THAP10: variants seen among roughly 807,000 people sequenced by gnomAD.
THAP10 encodes THAP domain containing 10.
THAP10 carries 10 observed loss-of-function variants against 15.7 expected under a neutral mutation model. That is an observed-to-expected ratio of 0.64 (90% confidence interval 0.39 to 1.08). The LOEUF is 1.08. Among genes scored for constraint, THAP10 ranks in the 50% least tolerant of loss-of-function variants. THAP10 has a pLI of 0.01. For synonymous variants in THAP10, 127 were observed against 129.1 expected (o/e 0.98, Z 0.11); for missense variants, 310 against 330.9 (o/e 0.94, Z 0.49).
chr15:70,892,184 C>T lies in THAP10; in HGVS notation c.89G>A (p.Arg30Gln), dbSNP rs1212694222. 3 of 1,609,616 alleles carry T rather than the reference C, an allele frequency of 1.9e-6. No homozygotes were observed. In the African/African-American group the frequency reaches 4.0e-5, roughly 21 times the overall value. Reference sequence around the variant, plus strand: ...CCGCACGAAGCGGTCCCAGAGCAGCCGCACGGCCCGGTCCTTGGGAAAGCG... The same window carrying T: ...CCGCACGAAGCGGTCCCAGAGCAGCTGCACGGCCCGGTCCTTGGGAAAGCG... ...LFRFPKDRAV[R>Q]LLWDRFVRGC... The change falls in exon 1 of 3, where the codon CGG (arginine) becomes CAG (glutamine). Residue 30 changes from arginine (R) to glutamine (Q), a missense_variant. Transcript: ENST00000249861.
chr15:70,889,408 G>A (rs962509163), intron 1 of THAP10, among the ~76,000 whole-genome samples: 8 of 152,064 alleles, frequency 5.3e-5, no homozygotes, highest in South Asian at 2.1e-4. Flanking sequence ...AGAGGGGAGG[G>A]GCTGGATATG....
intron 1 of THAP10, among the ~76,000 whole-genome samples, 181 bp from the exon 2 acceptor site, chr15:70,883,089 G>T (rs951393516): frequency 6.6e-6 from 1 of 151,968 alleles, no homozygotes; most frequent in South Asian, 2.1e-4. Flanking sequence ...CTGCCATATT[G>T]TCTTTTTTCC....
intron 1 of THAP10, among the ~76,000 whole-genome samples, chr15:70,888,248 GT>G (rs1480811949): frequency 1.3e-5 from 2 of 152,044 alleles, no homozygotes; most frequent in Non-Finnish European, 2.9e-5. Context: ...CATGAACAAG[GT>G]AAGAGGTATT....
chr15:70,891,836 C>A lies in THAP10; in HGVS notation c.429+8G>T. ...GTCCTTACACAACCTTCGGTGGTCTCTCTTTACCTGTGAAGCTGCAGCCTG... is the reference window on the plus strand; with the variant it reads ...GTCCTTACACAACCTTCGGTGGTCTATCTTTACCTGTGAAGCTGCAGCCTG... On this transcript the variant is annotated splice_region_variant and intron_variant, in intron 1 of 2. Coordinates refer to ENST00000249861, the MANE Select transcript of THAP10 (RefSeq NM_020147.4). 6.4e-7 allele frequency: 1 copy of A among 1,574,514 alleles called. No homozygotes were observed. Among genetic ancestry groups the A allele is most frequent in the Admixed American group, 1.7e-5 (1 of 57,544 alleles).
In THAP10 at chr15:70,891,795, C is replaced by T. The variant is rs1343542757; in HGVS notation, c.429+49G>A. 5 of 1,458,032 alleles carry T rather than the reference C, an allele frequency of 3.4e-6. No individual in the cohort carries two copies. In the South Asian group the frequency reaches 5.6e-5, roughly 16 times the overall value. The allele number at this position is 1,458,032 out of a possible 1,614,324, so 90.3% of individuals were successfully genotyped here. On this transcript the variant is annotated intron_variant, in intron 1 of 2. Transcript: ENST00000249861. ...CAAGGTGACACTAAGTGGAGGAGCC[C>T]AGCCAGAGTCCAGGGGTCCTTACAC... is the stretch of plus-strand genomic sequence containing the variant.
intron 1 of THAP10, among the ~76,000 whole-genome samples, chr15:70,887,910 T>C (rs1360854172): frequency 6.6e-6 from 1 of 152,190 alleles, no homozygotes; most frequent in East Asian, 1.9e-4. Context: ...TTTATCAATA[T>C]GCACTTATAG....
intron 1 of THAP10, among the ~76,000 whole-genome samples, chr15:70,890,088 T>C (rs759379916): frequency 3.2e-4 from 49 of 152,228 alleles, no homozygotes; most frequent in Non-Finnish European, 5.9e-5. Context: ...ATGCTGGATC[T>C]GTTTCCCAAC....
intron 1 of THAP10, among the ~76,000 whole-genome samples, chr15:70,888,753 A>C (rs2033474820): frequency 6.6e-6 from 1 of 152,192 alleles, no homozygotes; most frequent in African/African-American, 2.4e-5. Context: ...AAAATTCTAA[A>C]TCAACAAGAA....
chr15:70,882,918 C>A lies in THAP10; in HGVS notation c.430-10G>T, dbSNP rs1272771342. 3 of 1,613,508 alleles carry A rather than the reference C, an allele frequency of 1.9e-6. No individual in the cohort carries two copies. The highest frequency in any genetic ancestry group is 2.5e-6 in the Non-Finnish European group (3 of 1,179,778). ...CATTTTCACACGTAATCTAAAAATA[C>A]AAATCAGAGGAGAAACATATTAAAG... On this transcript the variant is annotated splice_polypyrimidine_tract_variant and intron_variant, in intron 1 of 2. Coordinates refer to ENST00000249861, the MANE Select transcript of THAP10 (RefSeq NM_020147.4).
Position 70,881,653 on chromosome 15 carries a change from A to C in THAP10, c.*801T>G, listed in dbSNP as rs2033266620. 6.6e-6 allele frequency: 1 copy of C among 152,204 alleles called. No individual in the cohort carries two copies. Among genetic ancestry groups the C allele is most frequent in the Non-Finnish European group, 1.5e-5 (1 of 68,018 alleles). The allele number at this position is 152,204 out of a possible 1,614,324, so 9.4% of individuals were successfully genotyped here. A position where few individuals can be genotyped will look rare whatever the true frequency, so the allele number is the denominator to read the frequency against. On this transcript the variant is annotated 3_prime_UTR_variant, in exon 3 of 3. Coordinates refer to ENST00000249861, the MANE Select transcript of THAP10 (RefSeq NM_020147.4). Reference sequence around the variant, plus strand: ...TAATATTTCCATGCTTATTTCTCAAATGTAGAATTCAAAAGAGAGGTGTTG... The same window carrying C: ...TAATATTTCCATGCTTATTTCTCAACTGTAGAATTCAAAAGAGAGGTGTTG...
chr15:70,892,303 T>C lies in THAP10; in HGVS notation c.-31A>G, dbSNP rs1291149255. On this transcript the variant is annotated 5_prime_UTR_variant, in exon 1 of 3. Coordinates refer to ENST00000249861, the MANE Select transcript of THAP10 (RefSeq NM_020147.4). ...CCGTCTTCGGTGCGCGGGAGCCGGG[T>C]TCCCTGGACCTTCGCCCTTGGGCAC... 1.3e-6 allele frequency: 2 copies of C among 1,550,620 alleles called. No homozygotes were observed. The highest frequency in any genetic ancestry group is 1.2e-5 in the South Asian group (1 of 83,872).
intron 1 of THAP10, among the ~76,000 whole-genome samples, chr15:70,885,885 A>T (rs1469643578): frequency 6.6e-6 from 1 of 152,204 alleles, no homozygotes; most frequent in Non-Finnish European, 1.5e-5. Context: ...CAGTACGCAC[A>T]TTCATCTCAA....
rs746783487 is a variant in THAP10 at position 70,882,507 on chromosome 15, C to A, written c.721G>T (p.Glu241Ter). 6.2e-7 allele frequency: 1 copy of A among 1,613,844 alleles called. No homozygotes were observed. Among genetic ancestry groups the A allele is most frequent in the Non-Finnish European group, 8.5e-7 (1 of 1,179,944 alleles). The change falls in exon 3 of 3, where the codon GAA becomes TAA. Residue 241 changes from glutamate to a stop codon, truncating the protein, a stop_gained. Transcript: ENST00000249861. LOFTEE classifies it high-confidence loss of function. ...ETDTDWDIKSEQSDLSYMAVQ... is the reference protein window; with the variant it reads ...ETDTDWDIKS The stretch of plus-strand genomic sequence containing the variant: ...GCCATATAAGACAAATCACTCTGTT[C>A]ACTCTTGATATCCCAGTCTGTATCT...
chr15:70,884,936 G>C lies in THAP10; in HGVS notation c.430-2028C>G, dbSNP rs547355467. Among the ~76,000 whole-genome samples, 9 of 152,184 alleles carry C rather than the reference G, an allele frequency of 5.9e-5. No homozygotes were observed. The East Asian group carries it at 1.7e-3, about 29-fold the overall frequency. ...CTTTTTATGTGTATTTTTAAAAACT[G>C]AGATAATATAATGCTTTATAACCTA... On this transcript the variant is annotated intron_variant, in intron 1 of 2. Transcript: ENST00000249861.
chr15:70,885,673 C>T (rs1322123841), intron 1 of THAP10, among the ~76,000 whole-genome samples: 2 of 152,116 alleles, frequency 1.3e-5, no homozygotes, highest in Non-Finnish European at 2.9e-5. Context: ...TATATACATA[C>T]CTAATAACAT....
Position 70,892,190 on chromosome 15 carries a change from G to C in THAP10, c.83C>G (p.Ala28Gly), listed in dbSNP as rs1380225305. 8 of 1,608,660 alleles carry C rather than the reference G, an allele frequency of 5.0e-6. No homozygotes were observed. The highest frequency in any genetic ancestry group is 5.9e-6 in the Non-Finnish European group (7 of 1,177,610). Residue 28 changes from alanine to glycine, a missense_variant, in exon 1 of 3, where the codon GCC (alanine) becomes GGC (glycine). Physicochemically the swap from Ala to Gly is moderately conservative, Grantham distance 60. Transcript: ENST00000249861. ...GAAGCGGTCCCAGAGCAGCCGCACG[G>C]CCCGGTCCTTGGGAAAGCGGAACAG... ...KSLFRFPKDR[A>G]VRLLWDRFVR...
At chr15:70,885,320 A>G (rs1412925142) in intron 1 of THAP10, among the ~76,000 whole-genome samples, 2 of 152,228 alleles carry the variant, frequency 1.3e-5, no homozygotes, top group African/African-American at 2.4e-5. Context: ...ATTTGAACAA[A>G]TAACAGCTGA....
At chr15:70,890,995 A>G (rs1344102781) in intron 1 of THAP10, among the ~76,000 whole-genome samples, 1 of 152,182 alleles carries the variant, frequency 6.6e-6, no homozygotes, top group Non-Finnish European at 1.5e-5. Context: ...TTAAATACCC[A>G]CCCCAATGTA....
chr15:70,882,433 A>C lies in THAP10; in HGVS notation c.*21T>G. The C allele has an allele frequency of 6.3e-7, 1 of 1,577,106 alleles. No homozygotes were observed. ...AAGATTTGAAAATCTATAGCACATC[A>C]GAGCATTTGATGTTGAGTTTTTAAC... On this transcript the variant is annotated 3_prime_UTR_variant, in exon 3 of 3. Coordinates refer to ENST00000249861, the MANE Select transcript of THAP10 (RefSeq NM_020147.4).
Sources: gnomAD v4.1 joint callset for allele counts (sites outside exome capture counted in the v4.1 genomes callset) on GRCh38, gnomAD v4.1.1 for gene constraint, MANE v1.5 for transcripts, NCBI Gene and HGNC (gene_info 2026-07-23, HGNC 2026-07-21) for gene names.